DSCAM: variants seen among roughly 807,000 people sequenced by gnomAD.
DSCAM encodes cell adhesion molecule DSCAM.
In DSCAM, 47 loss-of-function variants were observed where a neutral mutation model predicts 217.7. The observed-to-expected ratio is 0.22, with a 90% CI of 0.17 to 0.28. The LOEUF (loss-of-function observed/expected upper bound fraction) is 0.28, where lower values mean the gene tolerates loss of function less well. Ranked by LOEUF, DSCAM falls within the 10% of genes least tolerant of loss-of-function variation. The pLI, the probability that DSCAM is intolerant of heterozygous loss-of-function variation, is 1.00. For missense variants in DSCAM, 2,080 were observed against 2,618.3 expected (o/e 0.79, Z 4.49); for synonymous variants, 1,056 against 1,015.3 (o/e 1.04, Z -0.76).
chr21:40,233,621 C>A (rs1225844186), intron 11 of DSCAM, among the ~76,000 whole-genome samples: 2 of 152,152 alleles, frequency 1.3e-5, no homozygotes, highest in Non-Finnish European at 1.5e-5. Context: ...GGACACACTC[C>A]CTCATGCTCA....
At chr21:40,787,953 T>C (rs997264942) in intron 1 of DSCAM, among the ~76,000 whole-genome samples, 3 of 152,118 alleles carry the variant, frequency 2.0e-5, no homozygotes, top group Admixed American at 6.5e-5. Context: ...GACACTATGA[T>C]AGATAAAGAG....
At position 40,665,789 on chromosome 21, in the gene DSCAM, T is replaced by A. The variant is rs117244602; in HGVS notation, c.508+27021A>T. 4.9e-3 allele frequency among the ~76,000 whole-genome samples: 744 copies of A among 152,254 alleles called. 13 individuals carry two copies. In the East Asian group the frequency reaches 0.05, roughly 10 times the overall value. ...AATCCATCCACTTTGAATGAATCAG[T>A]GAATGAATGCTCACAGACAGATACA... is the stretch of plus-strand genomic sequence containing the variant. On this transcript the variant is annotated intron_variant, in intron 3 of 32. Transcript: ENST00000400454.
chr21:40,320,039 A>C (rs958438425), intron 8 of DSCAM, among the ~76,000 whole-genome samples: 1 of 152,156 alleles, frequency 6.6e-6, no homozygotes, highest in African/African-American at 2.4e-5. Context: ...AAGCATGTGA[A>C]AGCATGGGTA....
chr21:40,044,724 A>T (rs1175115241), intron 30 of DSCAM, among the ~76,000 whole-genome samples: 2 of 152,212 alleles, frequency 1.3e-5, no homozygotes, highest in African/African-American at 4.8e-5. Flanking sequence ...CGATGTTTGC[A>T]ACTGCAATTA....
chr21:40,125,778 T>TCTAAGACA (rs1376791397), intron 19 of DSCAM, among the ~76,000 whole-genome samples: 1 of 152,200 alleles, frequency 6.6e-6, no homozygotes, highest in African/African-American at 2.4e-5. Flanking sequence ...GAGGGTAATG[T>TCTAAGACA]CTAAGACATC....
intron 3 of DSCAM, among the ~76,000 whole-genome samples, chr21:40,623,848 C>G (rs1176505715): frequency 6.6e-6 from 1 of 152,158 alleles, no homozygotes; most frequent in Non-Finnish European, 1.5e-5. Context: ...AAGGGATAGT[C>G]ACTGGGAACT....
At chr21:40,800,976 G>A in intron 1 of DSCAM, among the ~76,000 whole-genome samples, 1 of 131,224 alleles carries the variant, frequency 7.6e-6, no homozygotes. Context: ...TTTTTTTTTA[G>A]ATGGAGTTTC....
intron 16 of DSCAM, among the ~76,000 whole-genome samples, chr21:40,146,628 T>C (rs987764084): frequency 6.6e-6 from 1 of 152,220 alleles, no homozygotes; most frequent in Admixed American, 6.5e-5. Context: ...TGGACTCCAC[T>C]TGCTTTTCCC....
At chr21:40,482,257 G>A (rs926120572) in intron 3 of DSCAM, among the ~76,000 whole-genome samples, 11 of 152,174 alleles carry the variant, frequency 7.2e-5, no homozygotes, top group African/African-American at 1.9e-4. Flanking sequence ...AGTTCTAAAC[G>A]TAGCTATTGT....
chr21:40,105,302 T>C (rs1337803392), intron 20 of DSCAM, among the ~76,000 whole-genome samples: 1 of 151,858 alleles, frequency 6.6e-6, no homozygotes, highest in Non-Finnish European at 1.5e-5. Context: ...AAAGATTGAG[T>C]AGTTATTGGC....
chr21:40,680,962 A>G (rs564281938), intron 3 of DSCAM, among the ~76,000 whole-genome samples: 2 of 152,180 alleles, frequency 1.3e-5, no homozygotes, highest in East Asian at 1.9e-4. Context: ...GACAGTCAAT[A>G]CAACTTTGCA....
At chr21:40,301,993 C>T (rs1030476211) in intron 9 of DSCAM, among the ~76,000 whole-genome samples, 3 of 152,136 alleles carry the variant, frequency 2.0e-5, no homozygotes, top group East Asian at 3.9e-4. Flanking sequence ...GGACTGTTGC[C>T]GTTTGGGCCA....
At chr21:40,569,257 T>C (rs1050588106) in intron 3 of DSCAM, among the ~76,000 whole-genome samples, 1 of 152,204 alleles carries the variant, frequency 6.6e-6, no homozygotes, top group East Asian at 1.9e-4. Context: ...ACCCTTACTC[T>C]TGTGATAAAC....
intron 3 of DSCAM, among the ~76,000 whole-genome samples, chr21:40,673,458 CT>C (rs2090300067): frequency 6.6e-6 from 1 of 152,162 alleles, no homozygotes. Flanking sequence ...AACTCAAGGC[CT>C]TAAACAACCT....
intron 1 of DSCAM, among the ~76,000 whole-genome samples, chr21:40,844,055 T>A (rs529606194): frequency 2.3e-4 from 35 of 152,286 alleles, no homozygotes; most frequent in African/African-American, 7.9e-4. Context: ...AATTCATCAA[T>A]CTTTTATCAC....
intron 15 of DSCAM, among the ~76,000 whole-genome samples, chr21:40,178,485 C>T (rs942573235): frequency 3.9e-5 from 6 of 152,126 alleles, no homozygotes; most frequent in African/African-American, 1.4e-4. Flanking sequence ...AATCTGTTCC[C>T]CTTCCCACAT....
chr21:40,654,802 T>C (rs1036875724), intron 3 of DSCAM, among the ~76,000 whole-genome samples: 1 of 152,150 alleles, frequency 6.6e-6, no homozygotes, highest in East Asian at 1.9e-4. Flanking sequence ...TTCATGGTAA[T>C]CACATCTCCA....
chr21:40,050,416 T>A (rs879504820), intron 30 of DSCAM, among the ~76,000 whole-genome samples: 7 of 151,416 alleles, frequency 4.6e-5, no homozygotes, highest in Non-Finnish European at 8.8e-5. Flanking sequence ...TGTCTTGGAG[T>A]AGCAGCAAGC....
chr21:40,211,958 T>C (rs1320799768), intron 11 of DSCAM, among the ~76,000 whole-genome samples: 1 of 151,494 alleles, frequency 6.6e-6, no homozygotes, highest in Non-Finnish European at 1.5e-5. Context: ...ACTGAAATTC[T>C]GAAGCTTTTT....
Sources: allele counts gnomAD v4.1 joint callset (sites outside exome capture counted in the v4.1 genomes callset), GRCh38; gene constraint gnomAD v4.1.1; transcripts MANE v1.5; gene names NCBI Gene and HGNC (gene_info 2026-07-23, HGNC 2026-07-21).